The following USP48 variants were observed in gnomAD, a reference collection of about 807,000 sequenced individuals.
The protein encoded by USP48 is ubiquitin specific peptidase 48, also known as ubiquitin carboxyl-terminal hydrolase 48.
In USP48, 43 loss-of-function variants were observed where a neutral mutation model predicts 150.7. The ratio of observed to expected loss-of-function variants is 0.29; its 90% CI spans 0.22 to 0.37. USP48 has a LOEUF of 0.37. USP48 is among the 10% of genes least tolerant of loss of function. The probability of loss-of-function intolerance (pLI) is 1.00; values close to 1 mark genes in which losing one functional copy is unlikely to be tolerated. For synonymous variants in USP48, 396 were observed against 425.9 expected (o/e 0.93, Z 0.86); for missense variants, 813 against 1,249.6 (o/e 0.65, Z 5.27).
At chr1:21,743,109 A>G (rs984232472) in intron 8 of USP48, among the ~76,000 whole-genome samples, 1 of 152,168 alleles carries the variant, frequency 6.6e-6, no homozygotes, top group Non-Finnish European at 1.5e-5. Flanking sequence ...GAAAGGTGAT[A>G]TATTTCTTTT....
At chr1:21,771,859 G>A (rs2097881732) in intron 1 of USP48, among the ~76,000 whole-genome samples, 1 of 151,696 alleles carries the variant, frequency 6.6e-6, no homozygotes, top group African/African-American at 2.4e-5. Context: ...TGGAAGTTGT[G>A]GTGAGCCGAG....
At chr1:21,727,151 T>C (rs1045519547) in intron 11 of USP48, among the ~76,000 whole-genome samples, 2 of 152,190 alleles carry the variant, frequency 1.3e-5, no homozygotes, top group South Asian at 2.1e-4. Flanking sequence ...GATCTTTGTT[T>C]TTTTAAATAT....
chr1:21,736,381 T>G, intron 9 of USP48, 65 bp downstream of exon 9: 1 of 1,426,580 alleles, frequency 7.0e-7, no homozygotes, highest in Non-Finnish European at 9.4e-7. Context: ...TAATAATTTA[T>G]CACAAATATT....
At chr1:21,770,517 T>C (rs1295145550) in intron 1 of USP48, among the ~76,000 whole-genome samples, 1 of 148,066 alleles carries the variant, frequency 6.8e-6, no homozygotes, top group South Asian at 2.2e-4. Flanking sequence ...GAGCTCACTC[T>C]GTTGCCCAGG....
At chr1:21,702,069 T>C (rs2097658601) in intron 21 of USP48, among the ~76,000 whole-genome samples, 1 of 152,168 alleles carries the variant, frequency 6.6e-6, no homozygotes, top group African/African-American at 2.4e-5. Flanking sequence ...TTAAACTGAA[T>C]AATGAAACTA....
intron 21 of USP48, among the ~76,000 whole-genome samples, 179 bp downstream of exon 21, chr1:21,703,333 C>A (rs994252889): frequency 2.6e-5 from 4 of 152,156 alleles, no homozygotes; most frequent in Admixed American, 2.6e-4. Context: ...AAACTAAATT[C>A]TCATATAATC....
chr1:21,685,397 C>G (rs1262980922), intron 25 of USP48, among the ~76,000 whole-genome samples: 2 of 151,142 alleles, frequency 1.3e-5, no homozygotes, highest in Admixed American at 1.3e-4. Context: ...TCTTGGCTCA[C>G]TGCATCCACT....
At chr1:21,731,935 A>G (rs1176140569) in intron 9 of USP48, among the ~76,000 whole-genome samples, 1 of 152,150 alleles carries the variant, frequency 6.6e-6, no homozygotes, top group African/African-American at 2.4e-5. Context: ...TCTATGACGT[A>G]AACAGCAACT....
chr1:21,751,599 T>G lies in USP48; in HGVS notation c.682A>C (p.Arg228=), dbSNP rs200744163. 2.9e-5 allele frequency: 46 copies of G among 1,613,890 alleles called. No individual in the cohort carries two copies. Among genetic ancestry groups the G allele is most frequent in the Non-Finnish European group, 1.8e-5 (21 of 1,179,872 alleles). The change falls in exon 6 of 27, where the codon AGA becomes CGA. Residue 228 remains arginine (R), a synonymous_variant. Coordinates refer to ENST00000308271, the MANE Select transcript of USP48 (RefSeq NM_032236.8). ...AYVTVCNQCG[R]ESKLLSKFYE... ...AATTTTGACAAAAGCTTAGACTCTCTGCCACACTGGTTGCAACTATAATAA... is the reference window on the plus strand; with the variant it reads ...AATTTTGACAAAAGCTTAGACTCTCGGCCACACTGGTTGCAACTATAATAA...
At chr1:21,706,625 G>T (rs979147974) in intron 16 of USP48, 36 bp from the exon 17 acceptor site, 27 of 1,613,682 alleles carry the variant, frequency 1.7e-5, no homozygotes, top group Non-Finnish European at 1.9e-5. Flanking sequence ...GTCTCCTGCT[G>T]ACAGCACATG....
chr1:21,720,297 T>C (rs939199734), intron 14 of USP48, among the ~76,000 whole-genome samples: 1 of 152,172 alleles, frequency 6.6e-6, no homozygotes, highest in African/African-American at 2.4e-5. Flanking sequence ...TAGAACAGAA[T>C]TAATATTAAT....
chr1:21,739,248 A>G (rs2097775582), intron 8 of USP48, among the ~76,000 whole-genome samples: 1 of 152,036 alleles, frequency 6.6e-6, no homozygotes. Context: ...GGCTGGGCGC[A>G]GTGGCTCACA....
chr1:21,686,114 A>T (rs1000060288), intron 25 of USP48: 3 of 152,162 alleles, frequency 2.0e-5, no homozygotes, highest in Admixed American at 6.5e-5. Flanking sequence ...TCTAAAAAAA[A>T]AGCATGTCAT....
Position 21,729,698 on chromosome 1 carries a change from C to T in USP48, c.1300+6G>A. On this transcript the variant is annotated splice_donor_region_variant and intron_variant, in intron 10 of 26. Coordinates refer to ENST00000308271, the MANE Select transcript of USP48 (RefSeq NM_032236.8). ...TGCCTGCTATAATCCTGGAAAACTG[C>T]TTTACCTGGAACTTGAACAGTAGTG... 1.9e-6 allele frequency: 3 copies of T among 1,612,792 alleles called. No homozygotes were observed. Among genetic ancestry groups the T allele is most frequent in the Non-Finnish European group, 2.5e-6 (3 of 1,179,114 alleles).
intron 1 of USP48, among the ~76,000 whole-genome samples, chr1:21,778,584 T>C (rs189797947): frequency 3.3e-4 from 31 of 94,436 alleles, no homozygotes; most frequent in African/African-American, 1.3e-3. Flanking sequence ...CTACACAACA[T>C]AGCAAGACCC....
intron 1 of USP48, among the ~76,000 whole-genome samples, chr1:21,775,350 C>T (rs1272467749): frequency 6.6e-6 from 1 of 152,186 alleles, no homozygotes; most frequent in Non-Finnish European, 1.5e-5. Flanking sequence ...CAACCTACAC[C>T]TCCTGGGTTC....
chr1:21,735,528 A>G (rs529769533), intron 9 of USP48, among the ~76,000 whole-genome samples: 29 of 152,344 alleles, frequency 1.9e-4, no homozygotes, highest in African/African-American at 6.5e-4. Flanking sequence ...AGGCAGGCAG[A>G]TCACTGGAGG....
At chr1:21,782,785 G>A in intron 1 of USP48, 39 bp downstream of exon 1, 1 of 1,499,490 alleles carries the variant, frequency 6.7e-7, no homozygotes, top group African/African-American at 1.4e-5. Flanking sequence ...TCCAAGGTCC[G>A]GCGCGAGGAG....
At position 21,708,328 on chromosome 1, in the gene USP48, G is replaced by A. The variant is rs1438271513; in HGVS notation, c.1964-1460C>T. Among the ~76,000 whole-genome samples, 24 of 151,962 alleles carry A rather than the reference G, an allele frequency of 1.6e-4. 1 individual carries two copies. The highest frequency in any genetic ancestry group is 4.4e-5 in the Non-Finnish European group (3 of 67,972). Reference sequence around the variant, plus strand: ...AGCCTGGCCAACATGGCGAAACCCCGTCTCTACTCAAAATACAAAAATTAG... The same window carrying A: ...AGCCTGGCCAACATGGCGAAACCCCATCTCTACTCAAAATACAAAAATTAG... On this transcript the variant is annotated intron_variant, in intron 15 of 26. Coordinates refer to ENST00000308271, the MANE Select transcript of USP48 (RefSeq NM_032236.8).
Sources: allele counts gnomAD v4.1 joint callset (sites outside exome capture counted in the v4.1 genomes callset), GRCh38; gene constraint gnomAD v4.1.1; transcripts MANE v1.5; gene names NCBI Gene and HGNC (gene_info 2026-07-23, HGNC 2026-07-21).